Variants in HOOK1 observed in about 807,000 individuals in gnomAD.
The protein encoded by HOOK1 is hook microtubule tethering protein 1, also known as protein Hook homolog 1.
In HOOK1, 60 loss-of-function variants were observed where a neutral mutation model predicts 112.8. The observed-to-expected ratio is 0.53, with a 90% CI of 0.43 to 0.66. HOOK1 has a LOEUF of 0.66. Ranked by LOEUF, HOOK1 falls within the 30% of genes least tolerant of loss-of-function variation. The pLI is 0.00. For missense variants in HOOK1, 770 were observed against 856.0 expected (o/e 0.90, Z 1.25); for synonymous variants, 294 against 283.8 (o/e 1.04, Z -0.36).
intron 2 of HOOK1, among the ~76,000 whole-genome samples, chr1:59,824,202 A>T (rs1014740469): frequency 6.7e-6 from 1 of 150,204 alleles, no homozygotes; most frequent in Non-Finnish European, 1.5e-5. Flanking sequence ...CACTTTAAAT[A>T]TGTTACAATT....
chr1:59,853,782 A>G (rs1451150532), intron 12 of HOOK1, among the ~76,000 whole-genome samples: 1 of 151,576 alleles, frequency 6.6e-6, no homozygotes, highest in East Asian at 1.9e-4. Flanking sequence ...TACAATTAGC[A>G]TCTTACCTTG....
At chr1:59,862,938 A>G in intron 16 of HOOK1, 61 bp downstream of exon 16, 1 of 923,442 alleles carries the variant, frequency 1.1e-6, no homozygotes, top group Non-Finnish European at 1.8e-6. Context: ...ATAGATCATG[A>G]TGTCCAAATT....
intron 4 of HOOK1, among the ~76,000 whole-genome samples, chr1:59,832,429 C>T (rs2098394669): frequency 6.6e-6 from 1 of 151,948 alleles, no homozygotes; most frequent in South Asian, 2.1e-4. Context: ...TTGATACTCT[C>T]CGAATTGATT....
rs1222323845 is a variant in HOOK1, at chr1:59,814,985, C to T, written c.-133C>T. 1 of 867,554 alleles carries T rather than the reference C, an allele frequency of 1.2e-6. No individual in the cohort carries two copies. Among genetic ancestry groups the T allele is most frequent in the Non-Finnish European group, 1.8e-6 (1 of 562,986 alleles). The allele number at this position is 867,554 out of a possible 1,614,324, so 53.7% of individuals were successfully genotyped here. Reference sequence around the variant, plus strand: ...CGCGTCGACAGCGCGAGGGTTCGCGCGTGAGCTGCGCGGGTCGGGCCTGGT... The same window carrying T: ...CGCGTCGACAGCGCGAGGGTTCGCGTGTGAGCTGCGCGGGTCGGGCCTGGT... On this transcript the variant is annotated 5_prime_UTR_variant, in exon 1 of 22. Transcript: ENST00000371208.
At chr1:59,847,229 A>T in intron 10 of HOOK1, 44 bp downstream of exon 10, 1 of 1,480,662 alleles carries the variant, frequency 6.8e-7, no homozygotes, top group Non-Finnish European at 9.2e-7. Flanking sequence ...TTTCTGAGCT[A>T]TTTAGTCAAT....
At chr1:59,871,783 C>A (rs543314139) in intron 21 of HOOK1, among the ~76,000 whole-genome samples, 35 of 152,306 alleles carry the variant, frequency 2.3e-4, no homozygotes, top group African/African-American at 7.5e-4. Flanking sequence ...ACTTTATAAA[C>A]TTCCCATGTG....
At chr1:59,866,063 G>A in intron 19 of HOOK1, 91 bp downstream of exon 19, 1 of 712,294 alleles carries the variant, frequency 1.4e-6, no homozygotes, top group Non-Finnish European at 2.5e-6. Flanking sequence ...TCTTGTATCT[G>A]TATCTAATCA....
intron 21 of HOOK1, 60 bp from the exon 22 acceptor site, chr1:59,872,735 A>C: frequency 8.4e-7 from 1 of 1,184,892 alleles, no homozygotes. Flanking sequence ...TTATGTGAGA[A>C]GCACTCGGCA....
intron 4 of HOOK1, among the ~76,000 whole-genome samples, chr1:59,833,062 A>G (rs1263360057): frequency 1.3e-5 from 2 of 152,156 alleles, no homozygotes; most frequent in Non-Finnish European, 2.9e-5. Flanking sequence ...TATTATGAAT[A>G]TTCTTTGGCT....
intron 12 of HOOK1, among the ~76,000 whole-genome samples, chr1:59,852,909 G>C (rs1269596763): frequency 6.6e-6 from 1 of 151,620 alleles, no homozygotes; most frequent in African/African-American, 2.4e-5. Flanking sequence ...TGAGTATCTT[G>C]CTCAGTTTTC....
chr1:59,859,143 A>G lies in HOOK1; in HGVS notation c.1391+98A>G, dbSNP rs1359858515. On this transcript the variant is annotated intron_variant, in intron 14 of 21. Coordinates refer to ENST00000371208, the MANE Select transcript of HOOK1 (RefSeq NM_015888.6). The stretch of plus-strand genomic sequence containing the variant: ...CCTTTAAAAACTTATTTTATGACTC[A>G]TAGAGCTGAAAATTACTGTTTGATC... 4 of 399,010 alleles carry G rather than the reference A, an allele frequency of 1.0e-5. No individual in the cohort carries two copies. The East Asian group carries it at 1.8e-4, about 18-fold the overall frequency. The allele number at this position is 399,010 out of a possible 1,614,324, so 24.7% of individuals were successfully genotyped here. A position where few individuals can be genotyped will look rare whatever the true frequency, so the allele number is the denominator to read the frequency against.
In HOOK1 at chr1:59,829,770, T is replaced by G. The variant is rs371472128; in HGVS notation, c.222+918T>G. Among the ~76,000 whole-genome samples the G allele has an allele frequency of 2.2e-4, 33 of 152,228 alleles. No homozygotes were observed. The East Asian group carries it at 5.6e-3, about 26-fold the overall frequency. On this transcript the variant is annotated intron_variant, in intron 3 of 21. Transcript: ENST00000371208. ...ATTTTTCTGATTTTTATTATTTCCT[T>G]TCTCTCACTTAACCTGTTCTTCTTT...
intron 12 of HOOK1, among the ~76,000 whole-genome samples, chr1:59,854,835 A>G (rs767598046): frequency 6.6e-6 from 1 of 152,226 alleles, no homozygotes. Context: ...TGATGATCCA[A>G]GGTTGGAAAA....
rs753887633 is a variant in HOOK1, at chr1:59,848,505, T to C, written c.1120T>C (p.Tyr374His). ...ANAARTQLET[Y>H]KRQVQDLHVK... is the part of the protein sequence containing the mutation. ...TGCAGCACGTACACAATTAGAAACA[T>C]ACAAAAGGCAGGTAAGAAACATCTT... The change falls in exon 11 of 22, where the codon TAC (tyrosine) becomes CAC (histidine). Residue 374 changes from tyrosine to histidine, a missense_variant. Physicochemically the swap from Tyr to His is moderately conservative, Grantham distance 83. Around this residue, in one of 3 missense-constraint regions of HOOK1, gnomAD observed 655 missense variants for 725.9 expected, o/e 0.90. Transcript: ENST00000371208. 2 of 1,604,776 alleles carry C rather than the reference T, an allele frequency of 1.2e-6. No homozygotes were observed. The highest frequency in any genetic ancestry group is 1.7e-6 in the Non-Finnish European group (2 of 1,174,034).
chr1:59,831,412 C>T (rs1255557644), intron 3 of HOOK1, among the ~76,000 whole-genome samples: 2 of 152,072 alleles, frequency 1.3e-5, no homozygotes, highest in East Asian at 3.8e-4. Flanking sequence ...ATTTTTTGGC[C>T]TGTATAATCT....
chr1:59,849,191 T>C lies in HOOK1; in HGVS notation c.1242+8T>C. 6.6e-7 allele frequency: 1 copy of C among 1,523,652 alleles called. No homozygotes were observed. The allele number at this position is 1,523,652 out of a possible 1,614,324, so 94.4% of individuals were successfully genotyped here. On this transcript the variant is annotated splice_region_variant and intron_variant, in intron 12 of 21. Transcript: ENST00000371208. ...TTACTTAAGGAAAAAGAGGTAAACA[T>C]AGATATAATTGATAAGGAATATTTC...
In HOOK1 at chr1:59,858,973, G is replaced by A. The variant is rs768791404; in HGVS notation, c.1331-12G>A. On this transcript the variant is annotated splice_polypyrimidine_tract_variant and intron_variant, in intron 13 of 21. Transcript: ENST00000371208. ...ATACTGAAATGCTAATTTATTTTTT[G>A]TTATTTTTTAGATGCATCTGCTACA... The A allele has an allele frequency of 3.5e-5, 53 of 1,507,442 alleles. No homozygotes were observed. The South Asian group carries it at 5.6e-4, about 16-fold the overall frequency. 93.4% of individuals were successfully genotyped at this position (1,507,442 alleles called of 1,614,324 possible).
rs760237276 is a variant in HOOK1, at chr1:59,833,388, T to G, written c.274-17T>G. On this transcript the variant is annotated splice_polypyrimidine_tract_variant and intron_variant, in intron 4 of 21. Coordinates refer to ENST00000371208, the MANE Select transcript of HOOK1 (RefSeq NM_015888.6). ...AGCCGACATAAATGAGTGATCTAAT[T>G]TATTTTAATATTGTAGTTTTTGGGG... 6.8e-7 allele frequency: 1 copy of G among 1,473,782 alleles called. No homozygotes were observed. The highest frequency in any genetic ancestry group is 9.1e-7 in the Non-Finnish European group (1 of 1,100,288). 91.3% of individuals were successfully genotyped at this position (1,473,782 alleles called of 1,614,324 possible). A position where few individuals can be genotyped will look rare whatever the true frequency, so the allele number is the denominator to read the frequency against.
chr1:59,814,953 C>T lies in HOOK1; in HGVS notation c.-165C>T. 1.5e-6 allele frequency: 1 copy of T among 648,752 alleles called. No homozygotes were observed. The highest frequency in any genetic ancestry group is 2.6e-6 in the Non-Finnish European group (1 of 383,268). 40.2% of individuals were successfully genotyped at this position (648,752 alleles called of 1,614,324 possible). On this transcript the variant is annotated 5_prime_UTR_variant, in exon 1 of 22. It adds an upstream start codon to the 5' untranslated region. Transcript: ENST00000371208. Reference sequence around the variant, plus strand: ...GCGGGGGCGGGTGAGGAGGGGGTGACGCCGGACGCGTCGACAGCGCGAGGG... The same window carrying T: ...GCGGGGGCGGGTGAGGAGGGGGTGATGCCGGACGCGTCGACAGCGCGAGGG...
Sources: gnomAD v4.1 joint callset for allele counts (sites outside exome capture counted in the v4.1 genomes callset) on GRCh38, gnomAD v4.1.1 for gene constraint, gnomAD v4.1.1 regional missense constraint, MANE v1.5 for transcripts, NCBI Gene and HGNC (gene_info 2026-07-23, HGNC 2026-07-21) for gene names.